The following FSTL5 variants were observed in gnomAD, a reference collection of about 807,000 sequenced individuals.
FSTL5 encodes follistatin like 5.
In FSTL5, 62 loss-of-function variants were observed where a neutral mutation model predicts 89.1. The observed-to-expected ratio is 0.70, with a 90% CI of 0.57 to 0.86. The LOEUF is 0.86. Among genes scored for constraint, FSTL5 ranks in the 40% least tolerant of loss-of-function variants. FSTL5 has a pLI of 0.00. For synonymous variants in FSTL5, 383 were observed against 346.2 expected (o/e 1.11, Z -1.18); for missense variants, 1,057 against 1,001.6 (o/e 1.06, Z -0.75).
intron 15 of FSTL5, among the ~76,000 whole-genome samples, chr4:161,394,357 C>G (rs74504890): frequency 2.0e-5 from 3 of 152,134 alleles, no homozygotes; most frequent in African/African-American, 7.2e-5. Flanking sequence ...CTTACTGCAA[C>G]CTCCACCTTC....
intron 6 of FSTL5, among the ~76,000 whole-genome samples, chr4:161,690,921 C>T (rs1737920428): frequency 6.6e-6 from 1 of 152,164 alleles, no homozygotes; most frequent in African/African-American, 2.4e-5. Flanking sequence ...TCTGTTCCTG[C>T]ATCAGTTTGC....
intron 4 of FSTL5, among the ~76,000 whole-genome samples, chr4:161,783,635 T>C (rs1741751560): frequency 3.3e-5 from 1 of 30,734 alleles, no homozygotes; most frequent in African/African-American, 8.0e-5. Flanking sequence ...TCTCTTTCTT[T>C]TCTTTCTTTC....
At chr4:162,062,641 A>T (rs1738757930) in intron 2 of FSTL5, among the ~76,000 whole-genome samples, 1 of 151,284 alleles carries the variant, frequency 6.6e-6, no homozygotes, top group South Asian at 2.1e-4. Context: ...TATTATAATT[A>T]TTTAATAATA....
At chr4:161,952,683 A>G (rs1186282165) in intron 3 of FSTL5, among the ~76,000 whole-genome samples, 1 of 151,910 alleles carries the variant, frequency 6.6e-6, no homozygotes, top group Non-Finnish European at 1.5e-5. Context: ...TGCATTTTTA[A>G]TTTAACAAAT....
chr4:161,996,199 AATCTAT>A (rs1736289242), intron 3 of FSTL5, among the ~76,000 whole-genome samples: 1 of 152,218 alleles, frequency 6.6e-6, no homozygotes, highest in Non-Finnish European at 1.5e-5. Flanking sequence ...TGCCCAAAGT[AATCTAT>A]TCTGCACATG....
intron 2 of FSTL5, among the ~76,000 whole-genome samples, chr4:162,100,772 T>C (rs986471397): frequency 6.6e-6 from 1 of 152,088 alleles, no homozygotes; most frequent in Admixed American, 6.6e-5. Context: ...GGAGGGGGTA[T>C]AGAGTGACTC....
intron 3 of FSTL5, among the ~76,000 whole-genome samples, chr4:162,030,557 C>G (rs1737481182): frequency 6.6e-6 from 1 of 151,910 alleles, no homozygotes; most frequent in Non-Finnish European, 1.5e-5. Context: ...GAAAATTTTG[C>G]AATAAAAGCA....
At chr4:161,885,389 A>T (rs890780876) in intron 4 of FSTL5, among the ~76,000 whole-genome samples, 2 of 152,170 alleles carry the variant, frequency 1.3e-5, no homozygotes, top group Non-Finnish European at 2.9e-5. Context: ...ATGTGTGTAT[A>T]CAAAGAAGTG....
At chr4:162,147,177 G>C (rs1733035780) in intron 1 of FSTL5, among the ~76,000 whole-genome samples, 1 of 151,942 alleles carries the variant, frequency 6.6e-6, no homozygotes, top group South Asian at 2.1e-4. Context: ...GATTTCACTT[G>C]TTTTCTTATT....
At chr4:162,073,706 A>C (rs893776691) in intron 2 of FSTL5, among the ~76,000 whole-genome samples, 1 of 151,756 alleles carries the variant, frequency 6.6e-6, no homozygotes, top group Non-Finnish European at 1.5e-5. Context: ...ATTGGTAGGG[A>C]AATTAATAGT....
At chr4:161,724,331 A>T (rs1257982178) in intron 6 of FSTL5, among the ~76,000 whole-genome samples, 1 of 152,134 alleles carries the variant, frequency 6.6e-6, no homozygotes, top group Admixed American at 6.5e-5. Flanking sequence ...AGCAAAAAAG[A>T]TCTCCTGGAA....
In FSTL5 at chr4:162,030,614, G is replaced by A. The variant is rs570324080; in HGVS notation, c.160+3011C>T. ...GACAGTCCAACATCCTTTTATTTAC[G>A]GAGAAGGGTAAGGCTGATACTGAGG... On this transcript the variant is annotated intron_variant, in intron 3 of 15. Transcript: ENST00000306100. 3.9e-5 allele frequency among the ~76,000 whole-genome samples: 6 copies of A among 152,200 alleles called. No homozygotes were observed. The South Asian group carries it at 6.2e-4, about 16-fold the overall frequency.
At chr4:161,523,662 T>G (rs1032393524) in intron 10 of FSTL5, among the ~76,000 whole-genome samples, 2 of 152,146 alleles carry the variant, frequency 1.3e-5, no homozygotes, top group African/African-American at 4.8e-5. Context: ...TTAACTGAGT[T>G]CCAGCAGCAT....
intron 15 of FSTL5, among the ~76,000 whole-genome samples, chr4:161,426,221 GT>G (rs1732163267): frequency 6.6e-6 from 1 of 152,026 alleles, no homozygotes; most frequent in Non-Finnish European, 1.5e-5. Flanking sequence ...AACAATAACT[GT>G]TTGCTCGTTA....
chr4:161,825,353 T>C (rs113538172), intron 4 of FSTL5, among the ~76,000 whole-genome samples: 13,724 of 152,196 alleles, frequency 0.09, 774 homozygotes, highest in African/African-American at 0.16. Context: ...TGTAGTTTTC[T>C]TTTTGTGTTA....
At chr4:161,642,628 G>A (rs1736004781) in intron 7 of FSTL5, among the ~76,000 whole-genome samples, 1 of 152,106 alleles carries the variant, frequency 6.6e-6, no homozygotes, top group Non-Finnish European at 1.5e-5. Context: ...ACAATAAGGA[G>A]ATACAACTAA....
At chr4:162,027,522 A>G (rs532086792) in intron 3 of FSTL5, among the ~76,000 whole-genome samples, 42 of 152,204 alleles carry the variant, frequency 2.8e-4, no homozygotes, top group African/African-American at 9.6e-4. Flanking sequence ...TACTATTTTT[A>G]TTTCAAAAAC....
At chr4:161,559,110 A>T (rs925033425) in intron 8 of FSTL5, among the ~76,000 whole-genome samples, 1 of 151,896 alleles carries the variant, frequency 6.6e-6, no homozygotes, top group Non-Finnish European at 1.5e-5. Flanking sequence ...CGTTTCTCAG[A>T]TTAATATCCA....
intron 2 of FSTL5, among the ~76,000 whole-genome samples, chr4:162,058,436 T>C (rs2111274999): frequency 6.7e-6 from 1 of 148,228 alleles, no homozygotes; most frequent in East Asian, 2.0e-4. Flanking sequence ...TTTTTTTTTT[T>C]TTTTTTTTGA....
Sources: allele counts gnomAD v4.1 joint callset (sites outside exome capture counted in the v4.1 genomes callset), GRCh38; gene constraint gnomAD v4.1.1; transcripts MANE v1.5; gene names NCBI Gene and HGNC (gene_info 2026-07-23, HGNC 2026-07-21).